MYBPC1: variants seen among roughly 807,000 people sequenced by gnomAD.
The protein encoded by MYBPC1 is myosin-binding protein C, slow-type.
MYBPC1 carries 52 observed loss-of-function variants against 147.1 expected under a neutral mutation model. The ratio of observed to expected loss-of-function variants is 0.35; its 90% CI spans 0.28 to 0.45. MYBPC1 has a LOEUF of 0.45. MYBPC1 is among the 20% of genes least tolerant of loss of function. The pLI is 1.00. For missense variants in MYBPC1, 1,228 were observed against 1,440.3 expected, an observed-to-expected ratio of 0.85 and a Z score of 2.39; for synonymous variants, 477 against 475.9, an observed-to-expected ratio of 1.00 and a Z score of -0.03.
chr12:101,690,636 A>G (rs1951399062), downstream of MYBPC1, among the ~76,000 whole-genome samples: 1 of 152,246 alleles, frequency 6.6e-6, no homozygotes, highest in African/African-American at 2.4e-5. Flanking sequence ...ACAAGACCCA[A>G]TGCTAAGAAC....
chr12:101,669,945 A>G (rs1898239327), intron 23 of MYBPC1: 1 of 351,742 alleles, frequency 2.8e-6, no homozygotes, highest in South Asian at 2.3e-5. Context: ...AAAAAGAAAA[A>G]AAAAAAGAAA....
At chr12:101,660,782 C>G (rs1347417013) in intron 19 of MYBPC1, among the ~76,000 whole-genome samples, 9 of 152,048 alleles carry the variant, frequency 5.9e-5, no homozygotes, top group Non-Finnish European at 1.3e-4. Flanking sequence ...AAGGTGAAAG[C>G]CATGTCTTCC....
intron 26 of MYBPC1, among the ~76,000 whole-genome samples, chr12:101,676,316 G>A (rs1338247464): frequency 6.6e-6 from 1 of 152,180 alleles, no homozygotes; most frequent in Non-Finnish European, 1.5e-5. Flanking sequence ...TCTCACGCCT[G>A]AAATCCCAGC....
intron 1 of MYBPC1, among the ~76,000 whole-genome samples, chr12:101,603,310 A>C (rs968114226): frequency 6.6e-6 from 1 of 151,280 alleles, no homozygotes; most frequent in Non-Finnish European, 1.5e-5. Flanking sequence ...GCGCCATTGC[A>C]CTCCAACCTG....
At chr12:101,664,798 C>A (rs930120562) in intron 22 of MYBPC1, among the ~76,000 whole-genome samples, 22 of 152,286 alleles carry the variant, frequency 1.4e-4, no homozygotes, top group Admixed American at 1.4e-3. Context: ...GCAGTGGAAA[C>A]GTCAGAAATT....
At position 101,644,788 on chromosome 12, in the gene MYBPC1, C is replaced by T; in HGVS notation, c.957C>T (p.Pro319=). The change falls in exon 12 of 32, where the codon CCC becomes CCT. Residue 319 remains proline, a synonymous_variant. Transcript: ENST00000361466. The part of the protein sequence containing the change: ...KWYKNGQEIR[P]STKYIFEHKG... The stretch of plus-strand genomic sequence containing the variant: ...ATAAAAATGGTCAAGAAATTCGACC[C>T]AGTACCAAGTAAGTGGGCTTTGCAA... The T allele has an allele frequency of 6.2e-7, 1 of 1,613,708 alleles. No individual in the cohort carries two copies. The highest frequency in any genetic ancestry group is 2.2e-5 in the East Asian group (1 of 44,830).
chr12:101,653,027 G>C (rs1425536028), intron 17 of MYBPC1, 88 bp from the exon 18 acceptor site: 1 of 1,508,630 alleles, frequency 6.6e-7, no homozygotes, highest in African/African-American at 1.4e-5. Context: ...TAAAATATTG[G>C]TTACTACCAT....
intron 2 of MYBPC1, among the ~76,000 whole-genome samples, chr12:101,615,664 C>CA (rs1885738136): frequency 1.5e-5 from 1 of 68,006 alleles, no homozygotes; most frequent in African/African-American, 7.2e-5. Context: ...AACCCCCCGC[C>CA]CCCCCCCCGC....
intron 18 of MYBPC1, 92 bp from the exon 19 acceptor site, chr12:101,659,580 A>G (rs371104627): frequency 1.4e-5 from 18 of 1,322,332 alleles, no homozygotes; most frequent in South Asian, 8.4e-5. Flanking sequence ...TATACACTCT[A>G]TAGTCTGCTG....
chr12:101,687,287 T>C (rs1296531979), downstream of MYBPC1, among the ~76,000 whole-genome samples: 1 of 152,054 alleles, frequency 6.6e-6, no homozygotes, highest in African/African-American at 2.4e-5. Flanking sequence ...AGTGTTCTCA[T>C]TGTTCAGCTC....
intron 5 of MYBPC1, chr12:101,628,225 C>T (rs1889071786): frequency 3.5e-6 from 1 of 282,242 alleles, no homozygotes; most frequent in Admixed American, 4.7e-5. Flanking sequence ...CAAATTTGTA[C>T]TGAGGACCTA....
chr12:101,661,320 A>G (rs1022439338), intron 20 of MYBPC1, 58 bp downstream of exon 20: 60 of 1,077,760 alleles, frequency 5.6e-5, no homozygotes, highest in Non-Finnish European at 6.1e-5. Context: ...CTCTTTACGC[A>G]TCTTAGTACA....
At chr12:101,647,004 A>C (rs1893302783) in intron 13 of MYBPC1, 117 bp downstream of exon 13, 1 of 1,336,850 alleles carries the variant, frequency 7.5e-7, no homozygotes, top group African/African-American at 1.4e-5. Context: ...TATGGATCCT[A>C]ATGAGTCTTC....
chr12:101,609,521 G>A (rs543571965), intron 1 of MYBPC1, among the ~76,000 whole-genome samples: 90 of 152,064 alleles, frequency 5.9e-4, no homozygotes, highest in African/African-American at 2.1e-3. Flanking sequence ...GGGCTCAAGC[G>A]ATCCTCCCAC....
At position 101,661,269 on chromosome 12, in the gene MYBPC1, G is replaced by C. The variant is rs1438867596; in HGVS notation, c.2032+7G>C. ...GGAGGCTCTCCAATCCTAGGTAACT[G>C]CATGTTGGTTAGTCTGTGTAACTGC... On this transcript the variant is annotated splice_region_variant and intron_variant, in intron 20 of 31. Coordinates refer to ENST00000361466, the MANE Select transcript of MYBPC1 (RefSeq NM_002465.4). The C allele has an allele frequency of 6.3e-7, 1 of 1,584,304 alleles. No individual in the cohort carries two copies. Among genetic ancestry groups the C allele is most frequent in the Admixed American group, 1.7e-5 (1 of 59,860 alleles).
intron 8 of MYBPC1, among the ~76,000 whole-genome samples, chr12:101,633,965 C>T (rs1455513279): frequency 1.3e-5 from 2 of 150,978 alleles, no homozygotes; most frequent in African/African-American, 4.9e-5. Context: ...GGCGCGATCT[C>T]GGCTCACTGC....
At chr12:101,673,190 G>A (rs1366979862) in intron 24 of MYBPC1, among the ~76,000 whole-genome samples, 1 of 152,194 alleles carries the variant, frequency 6.6e-6, no homozygotes, top group African/African-American at 2.4e-5. Flanking sequence ...TGAGGATAAT[G>A]ATAAGCTTGA....
At chr12:101,687,639 A>G (rs986192946), downstream of MYBPC1, among the ~76,000 whole-genome samples, 3 of 152,238 alleles carry the variant, frequency 2.0e-5, no homozygotes, top group African/African-American at 7.2e-5. Context: ...ATGTCTATGT[A>G]CAAACCAAAG....
At chr12:101,632,632 T>A (rs1311499953) in intron 8 of MYBPC1, among the ~76,000 whole-genome samples, 1 of 152,234 alleles carries the variant, frequency 6.6e-6, no homozygotes, top group Non-Finnish European at 1.5e-5. Flanking sequence ...AAAACTCGCT[T>A]TTACAAGTAT....
Sources: allele counts gnomAD v4.1 joint callset (sites outside exome capture counted in the v4.1 genomes callset), GRCh38; gene constraint gnomAD v4.1.1; transcripts MANE v1.5; gene names NCBI Gene and HGNC (gene_info 2026-07-23, HGNC 2026-07-21).